Variants in MAST4 observed in about 807,000 individuals in gnomAD.
MAST4 encodes the protein microtubule-associated serine/threonine-protein kinase 4.
Under a neutral mutation model 162.7 loss-of-function variants are expected in MAST4, and 89 were observed. The ratio of observed to expected loss-of-function variants is 0.55; its 90% CI spans 0.46 to 0.65. The LOEUF (loss-of-function observed/expected upper bound fraction) is 0.65. Among genes scored for constraint, MAST4 ranks in the 30% least tolerant of loss-of-function variants. MAST4 has a pLI of 0.00. For missense variants in MAST4, 3,153 were observed against 3,374.0 expected, an observed-to-expected ratio of 0.93 and a Z score of 1.62; for synonymous variants, 1,479 against 1,361.1, an observed-to-expected ratio of 1.09 and a Z score of -1.91.
At chr5:66,934,745 T>C (rs1742543241) in intron 4 of MAST4, among the ~76,000 whole-genome samples, 1 of 152,152 alleles carries the variant, frequency 6.6e-6, no homozygotes, top group African/African-American at 2.4e-5. Flanking sequence ...TGCTCTTAGC[T>C]GTGTCATCTG....
intron 19 of MAST4, among the ~76,000 whole-genome samples, chr5:67,140,350 G>A (rs1770214648): frequency 6.6e-6 from 1 of 152,254 alleles, no homozygotes; most frequent in Non-Finnish European, 1.5e-5. Flanking sequence ...AAGAAAATAA[G>A]ATGGGCAGTT....
chr5:66,601,940 G>T (rs1006693740), intron 1 of MAST4, among the ~76,000 whole-genome samples: 3 of 152,176 alleles, frequency 2.0e-5, no homozygotes, highest in Non-Finnish European at 2.9e-5. Context: ...TTAGCAAATT[G>T]TGTGGGGGTG....
At chr5:66,696,692 T>C (rs934270268) in intron 1 of MAST4, among the ~76,000 whole-genome samples, 6 of 152,224 alleles carry the variant, frequency 3.9e-5, no homozygotes, top group Non-Finnish European at 5.9e-5. Flanking sequence ...CTAGATCCTT[T>C]CAAGAATCTG....
At chr5:67,109,111 G>T (rs977332144) in intron 10 of MAST4, among the ~76,000 whole-genome samples, 34 of 151,882 alleles carry the variant, frequency 2.2e-4, no homozygotes, top group African/African-American at 8.2e-4. Context: ...TTTGCTCTCA[G>T]AATATTTGTT....
At chr5:67,075,856 ATAATT>A (rs1461501817) in intron 5 of MAST4, among the ~76,000 whole-genome samples, 2 of 152,206 alleles carry the variant, frequency 1.3e-5, no homozygotes, top group African/African-American at 2.4e-5. Flanking sequence ...TTTTGAAATT[ATAATT>A]TAATTAATAA....
chr5:67,022,586 G>C (rs184401199), intron 4 of MAST4, among the ~76,000 whole-genome samples: 125 of 152,218 alleles, frequency 8.2e-4, no homozygotes, highest in African/African-American at 2.9e-3. Flanking sequence ...TTTTATAGGG[G>C]CAAAGAACTT....
intron 3 of MAST4, among the ~76,000 whole-genome samples, chr5:66,801,739 T>C (rs915428132): frequency 2.6e-5 from 4 of 152,236 alleles, no homozygotes; most frequent in African/African-American, 9.6e-5. Context: ...TAACTGCCAC[T>C]AAATTGACAC....
chr5:67,100,347 T>C, intron 7 of MAST4, 88 bp from the exon 8 acceptor site: 1 of 1,274,908 alleles, frequency 7.8e-7, no homozygotes, highest in South Asian at 1.4e-5. Context: ...ATGGTGGTAT[T>C]GTCCAAGTTT....
At chr5:67,121,477 A>G (rs930662255) in intron 14 of MAST4, among the ~76,000 whole-genome samples, 1 of 151,396 alleles carries the variant, frequency 6.6e-6, no homozygotes, top group African/African-American at 2.4e-5. Context: ...ATAATTTTCT[A>G]TATAGTATTA....
chr5:67,069,313 A>ATAT lies in MAST4; in HGVS notation c.763+14821_763+14822insTAT, dbSNP rs1230619144. Among the ~76,000 whole-genome samples the ATAT allele has an allele frequency of 2.3e-3, 147 of 65,262 alleles. 1 individual carries two copies. The highest frequency in any genetic ancestry group is 7.4e-3 in the South Asian group (17 of 2,306). 42.8% of individuals were successfully genotyped at this position (65,262 alleles called of 152,430 possible). A position where few individuals can be genotyped will look rare whatever the true frequency, so the allele number is the denominator to read the frequency against. ...ATATATATATATATATATATATATA[A>ATAT]AATTTTAAAATATTCCTTCTAAGGC... On this transcript the variant is annotated intron_variant, in intron 5 of 28. Coordinates refer to ENST00000403625, the MANE Select transcript of MAST4 (RefSeq NM_001164664.2).
At chr5:66,929,069 G>T (rs1315370969) in intron 4 of MAST4, among the ~76,000 whole-genome samples, 1 of 152,176 alleles carries the variant, frequency 6.6e-6, no homozygotes, top group East Asian at 1.9e-4. Context: ...TGGAGCTTGA[G>T]AAGTCCTACA....
chr5:67,078,902 T>A (rs9763584), intron 5 of MAST4, among the ~76,000 whole-genome samples: 977 of 53,950 alleles, frequency 0.018, 26 homozygotes, highest in African/African-American at 0.056. Flanking sequence ...ATTTATATAT[T>A]TTTATATAAA....
chr5:67,112,288 A>T (rs889210096), intron 11 of MAST4, among the ~76,000 whole-genome samples: 6 of 152,180 alleles, frequency 3.9e-5, no homozygotes, highest in African/African-American at 1.4e-4. Context: ...CTGTGCTCTC[A>T]CAACATGATT....
intron 1 of MAST4, among the ~76,000 whole-genome samples, chr5:66,665,043 G>T (rs1466399261): frequency 6.6e-6 from 1 of 152,202 alleles, no homozygotes; most frequent in South Asian, 2.1e-4. Flanking sequence ...AAGAGGAAAG[G>T]TGGAAAAGAA....
chr5:67,167,403 T>C lies in MAST4; in HGVS notation c.*352T>C, dbSNP rs573953081. ...ATACCTGGCTGCTGATTGCGTCGTTTACTACAGCTTTTTTTAAATAAGATT... is the reference window on the plus strand; with the variant it reads ...ATACCTGGCTGCTGATTGCGTCGTTCACTACAGCTTTTTTTAAATAAGATT... On this transcript the variant is annotated 3_prime_UTR_variant, in exon 29 of 29. Transcript: ENST00000403625. 5.4e-6 allele frequency: 1 copy of C among 185,966 alleles called. No individual in the cohort carries two copies. The highest frequency in any genetic ancestry group is 1.3e-4 in the East Asian group (1 of 7,790). The allele number at this position is 185,966 out of a possible 1,614,324, so 11.5% of individuals were successfully genotyped here. A position where few individuals can be genotyped will look rare whatever the true frequency, so the allele number is the denominator to read the frequency against.
rs1292386799 is a variant in MAST4 at position 67,031,628 on chromosome 5, TA to T, written c.675-22775del. Among the ~76,000 whole-genome samples, 12 of 152,298 alleles carry T rather than the reference TA, an allele frequency of 7.9e-5. No individual in the cohort carries two copies. The East Asian group carries it at 1.3e-3, about 17-fold the overall frequency. On this transcript the variant is annotated intron_variant, in intron 4 of 28. Coordinates refer to ENST00000403625, the MANE Select transcript of MAST4 (RefSeq NM_001164664.2). Reference sequence around the variant, plus strand: ...ACAGACTTAGTGAAGATTTGTAAAATACATGTTAATTGGCATAACACCATTA... The same window carrying T: ...ACAGACTTAGTGAAGATTTGTAAAATCATGTTAATTGGCATAACACCATTA...
At position 67,142,518 on chromosome 5, in the gene MAST4, A is replaced by T. The variant is rs777406053; in HGVS notation, c.2715A>T (p.Ser905=). 67 of 1,578,928 alleles carry T rather than the reference A, an allele frequency of 4.2e-5. No homozygotes were observed. The South Asian group carries it at 7.6e-4, about 18-fold the overall frequency. ...NVEIRQFSSC[S]HRFSKVFSSI... is the part of the protein sequence containing the mutation. Reference sequence around the variant, plus strand: ...AAATAAGGCAGTTTTCTTCATGTTCACACAGGTTTTCAAAAGTAAGTGAAA... The same window carrying T: ...AAATAAGGCAGTTTTCTTCATGTTCTCACAGGTTTTCAAAAGTAAGTGAAA... The change falls in exon 21 of 29, where the codon TCA becomes TCT. Residue 905 remains serine (S), a synonymous_variant. Coordinates refer to ENST00000403625, the MANE Select transcript of MAST4 (RefSeq NM_001164664.2).
At chr5:67,142,307 C>A (rs1282507429) in intron 20 of MAST4, 70 bp downstream of exon 20, 1 of 1,569,466 alleles carries the variant, frequency 6.4e-7, no homozygotes, top group Non-Finnish European at 8.7e-7. Context: ...TGCTTTTGAA[C>A]CTTTTCATAT....
chr5:66,852,253 TC>T (rs1759366947), intron 3 of MAST4, among the ~76,000 whole-genome samples: 1 of 152,114 alleles, frequency 6.6e-6, no homozygotes, highest in South Asian at 2.1e-4. Flanking sequence ...GCTCAGGTGG[TC>T]CTCCCACCAC....
Sources: gnomAD v4.1 joint callset for allele counts (sites outside exome capture counted in the v4.1 genomes callset) on GRCh38, gnomAD v4.1.1 for gene constraint, MANE v1.5 for transcripts, NCBI Gene and HGNC (gene_info 2026-07-23, HGNC 2026-07-21) for gene names.